The following TNFRSF10C variants were observed in gnomAD, a reference collection of about 807,000 sequenced individuals.
TNFRSF10C encodes tumor necrosis factor receptor superfamily member 10C.
TNFRSF10C carries 17 observed loss-of-function variants against 16.7 expected under a neutral mutation model. The ratio of observed to expected loss-of-function variants is 1.02; its 90% CI spans 0.70 to 1.53. The LOEUF (loss-of-function observed/expected upper bound fraction) is 1.53. Among genes scored for constraint, TNFRSF10C ranks in the 40% most tolerant of loss-of-function variants. The probability of loss-of-function intolerance (pLI) is 0.00; values close to 1 mark genes in which losing one functional copy is unlikely to be tolerated. For missense variants in TNFRSF10C, 237 were observed against 329.7 expected, an observed-to-expected ratio of 0.72 and a Z score of 2.18; for synonymous variants, 73 against 119.7, an observed-to-expected ratio of 0.61 and a Z score of 2.55.
chr8:23,107,113 C>T, intron 1 of TNFRSF10C, among the ~76,000 whole-genome samples: 1 of 152,128 alleles, frequency 6.6e-6, no homozygotes, highest in South Asian at 2.1e-4. Flanking sequence ...CCTGCCAAGA[C>T]AGGCAGATCA....
At chr8:23,103,298 C>CG in intron 1 of TNFRSF10C, 117 bp downstream of exon 1, 1 of 1,511,376 alleles carries the variant, frequency 6.6e-7, no homozygotes, top group Non-Finnish European at 9.0e-7. Flanking sequence ...CGGGCATGTC[C>CG]GGGCAGGACG....
In TNFRSF10C at chr8:23,104,069, C is replaced by T. The variant is rs185966247; in HGVS notation, c.60+888C>T. Among the ~76,000 whole-genome samples the T allele has an allele frequency of 7.0e-3, 1,062 of 152,342 alleles. 7 individuals carry two copies. Among genetic ancestry groups the T allele is most frequent in the South Asian group, 0.02 (97 of 4,828 alleles). Reference sequence around the variant, plus strand: ...ACATTTTCACCTCTCAAAAATTACACAACTGACTTTTAAAATAGTTTATAG... The same window carrying T: ...ACATTTTCACCTCTCAAAAATTACATAACTGACTTTTAAAATAGTTTATAG... On this transcript the variant is annotated intron_variant, in intron 1 of 4. Coordinates refer to ENST00000356864, the MANE Select transcript of TNFRSF10C (RefSeq NM_003841.5).
intron 1 of TNFRSF10C, among the ~76,000 whole-genome samples, chr8:23,104,495 C>A (rs1813735344): frequency 6.6e-6 from 1 of 152,220 alleles, no homozygotes; most frequent in Admixed American, 6.5e-5. Flanking sequence ...GTACTAAATA[C>A]CCTTGTATGT....
rs79221634 is a variant in TNFRSF10C at position 23,116,409 on chromosome 8, G to A, written c.390-232G>A. Among the ~76,000 whole-genome samples the A allele has an allele frequency of 3.7e-4, 57 of 152,268 alleles. No individual in the cohort carries two copies. The East Asian group carries it at 9.7e-3, about 26-fold the overall frequency. ...GCCCAGGGAAGCTCAGTGTGTGCCC[G>A]GCACAGAAGGCTCCTGTGGCCCCAG... On this transcript the variant is annotated intron_variant, in intron 4 of 4. Coordinates refer to ENST00000356864, the MANE Select transcript of TNFRSF10C (RefSeq NM_003841.5).
intron 3 of TNFRSF10C, among the ~76,000 whole-genome samples, chr8:23,115,253 G>A (rs542096893): frequency 2.6e-4 from 39 of 152,236 alleles, no homozygotes; most frequent in African/African-American, 9.2e-4. Flanking sequence ...TACTGACCAT[G>A]CCATCTAAAC....
In TNFRSF10C at chr8:23,116,901, CGGG is replaced by C. The variant is rs1563346375; in HGVS notation, c.652_654del (p.Gly218del). 1 of 1,598,886 alleles carries C rather than the reference CGGG, an allele frequency of 6.3e-7. No individual in the cohort carries two copies. Among genetic ancestry groups the C allele is most frequent in the African/African-American group, 1.4e-5 (1 of 72,648 alleles). On this transcript the variant is annotated inframe_deletion, in exon 5 of 5. Transcript: ENST00000356864. ...GCTGAAGAGACAATGACCACCAGCC[CGGG>C]GACTCCTGCCCCAGCTGCTGAAGAG...
At chr8:23,114,965 C>T (rs1043012967) in intron 3 of TNFRSF10C, among the ~76,000 whole-genome samples, 195 bp downstream of exon 3, 1 of 152,156 alleles carries the variant, frequency 6.6e-6, no homozygotes, top group Non-Finnish European at 1.5e-5. Flanking sequence ...GCTGGGAAAT[C>T]GTCTAAACTG....
chr8:23,113,995 G>A (rs1813928853), intron 2 of TNFRSF10C, among the ~76,000 whole-genome samples: 2 of 151,978 alleles, frequency 1.3e-5, no homozygotes, highest in African/African-American at 4.8e-5. Context: ...ATAACAGTCA[G>A]GATGTCCTGA....
intron 2 of TNFRSF10C, 158 bp from the exon 3 acceptor site, chr8:23,114,499 G>T (rs1185454406): frequency 1.8e-6 from 1 of 557,908 alleles, no homozygotes; most frequent in Non-Finnish European, 3.3e-6. Context: ...CCAGTCAAAG[G>T]TATGTAATAG....
At chr8:23,116,162 A>G (rs1000391350) in intron 4 of TNFRSF10C, among the ~76,000 whole-genome samples, 4 of 152,122 alleles carry the variant, frequency 2.6e-5, no homozygotes, top group Non-Finnish European at 4.4e-5. Context: ...CAATCCCTCA[A>G]TAAGTCCTGT....
chr8:23,116,422 C>G (rs181484998), intron 4 of TNFRSF10C, among the ~76,000 whole-genome samples: 1 of 152,200 alleles, frequency 6.6e-6, no homozygotes, highest in East Asian at 1.9e-4. Context: ...ACAGAAGGCT[C>G]CTGTGGCCCC....
chr8:23,108,342 T>C (rs777561994), intron 1 of TNFRSF10C, among the ~76,000 whole-genome samples: 8 of 152,292 alleles, frequency 5.3e-5, no homozygotes, highest in South Asian at 4.1e-4. Flanking sequence ...TGAAATCTTA[T>C]TGGGAAGCTG....
chr8:23,115,656 C>T (rs891430319), intron 4 of TNFRSF10C, 40 bp downstream of exon 4: 25 of 1,536,228 alleles, frequency 1.6e-5, no homozygotes, highest in Admixed American at 5.1e-5. Context: ...CTTTCAGGAA[C>T]CCGAGAAGAC....
intron 1 of TNFRSF10C, among the ~76,000 whole-genome samples, chr8:23,105,217 C>T (rs899501608): frequency 2.0e-5 from 3 of 152,206 alleles, no homozygotes; most frequent in Non-Finnish European, 4.4e-5. Context: ...TGGTGTGGCC[C>T]CAGCTCCTGC....
intron 1 of TNFRSF10C, among the ~76,000 whole-genome samples, chr8:23,107,796 A>T (rs914497287): frequency 6.6e-6 from 1 of 152,202 alleles, no homozygotes; most frequent in Non-Finnish European, 1.5e-5. Flanking sequence ...TCAATGGTAG[A>T]AATGTTTGGA....
At chr8:23,114,079 G>GGCT (rs1317753717) in intron 2 of TNFRSF10C, among the ~76,000 whole-genome samples, 1 of 152,168 alleles carries the variant, frequency 6.6e-6, no homozygotes, top group Non-Finnish European at 1.5e-5. Context: ...TGGTGATTTG[G>GGCT]GCTGATATTT....
intron 1 of TNFRSF10C, among the ~76,000 whole-genome samples, chr8:23,103,773 C>T (rs1014401886): frequency 2.6e-5 from 4 of 152,182 alleles, no homozygotes; most frequent in African/African-American, 7.2e-5. Context: ...CCCCTTCCTT[C>T]AGCATAAACG....
intron 1 of TNFRSF10C, among the ~76,000 whole-genome samples, chr8:23,104,374 A>G (rs1813732317): frequency 6.6e-6 from 1 of 152,234 alleles, no homozygotes; most frequent in African/African-American, 2.4e-5. Context: ...TCTTTTAAAC[A>G]AGGGTATTGT....
chr8:23,110,614 A>G (rs1813863672), intron 1 of TNFRSF10C, among the ~76,000 whole-genome samples: 1 of 152,220 alleles, frequency 6.6e-6, no homozygotes, highest in African/African-American at 2.4e-5. Context: ...TTTATAACAT[A>G]GAGATCATGG....
Sources: allele counts gnomAD v4.1 joint callset (sites outside exome capture counted in the v4.1 genomes callset), GRCh38; gene constraint gnomAD v4.1.1; transcripts MANE v1.5; gene names NCBI Gene and HGNC (gene_info 2026-07-23, HGNC 2026-07-21).